The following RANBP2 variants were observed in gnomAD, a reference collection of about 807,000 sequenced individuals.
The protein encoded by RANBP2 is E3 SUMO-protein ligase RanBP2.
A neutral mutation model predicts 303.6 loss-of-function variants in RANBP2; 57 were observed. That is an observed-to-expected ratio of 0.19 (90% CI 0.15 to 0.23). The LOEUF is 0.23. RANBP2 is among the 10% of genes least tolerant of loss of function. The pLI, the probability that RANBP2 is intolerant of heterozygous loss-of-function variation, is 1.00. For synonymous variants in RANBP2, 1,167 were observed against 1,301.5 expected (o/e 0.90, Z 2.23); for missense variants, 3,138 against 3,780.8 (o/e 0.83, Z 4.46).
intron 7 of RANBP2, among the ~76,000 whole-genome samples, chr2:108,743,331 A>G (rs1363380101): frequency 3.3e-5 from 5 of 152,138 alleles, no homozygotes; most frequent in Non-Finnish European, 7.4e-5. Flanking sequence ...GTGCAGTGGC[A>G]TGATCATAGC....
the RANBP2 span, chr2:108,897,195 G>C: frequency 6.2e-7 from 1 of 1,613,704 alleles, no homozygotes; most frequent in Non-Finnish European, 8.5e-7. Context: ...TAGTCTTCTC[G>C]AGGCAATCAA....
chr2:109,021,339 C>T, the RANBP2 span, among the ~76,000 whole-genome samples: 7 of 151,928 alleles, frequency 4.6e-5, no homozygotes, highest in African/African-American at 1.5e-4. Flanking sequence ...CTGGCTGACA[C>T]GGTGAAACCC....
At chr2:109,540,794 C>T in the RANBP2 span, among the ~76,000 whole-genome samples, 6 of 50,392 alleles carry the variant, frequency 1.2e-4, no homozygotes, top group African/African-American at 4.4e-4. Context: ...GAGCAAGACC[C>T]TGTCAAAAAA....
the RANBP2 span, among the ~76,000 whole-genome samples, chr2:109,298,677 C>T: frequency 6.6e-6 from 1 of 152,110 alleles, no homozygotes; most frequent in Non-Finnish European, 1.5e-5. Flanking sequence ...CAGGCCTTCC[C>T]TGGCTCCTGT....
chr2:109,419,487 C>A, the RANBP2 span: 1 of 1,530,858 alleles, frequency 6.5e-7, no homozygotes, highest in Non-Finnish European at 8.8e-7. Context: ...TTCTCTTTCC[C>A]TTGGATGGAG....
the RANBP2 span, chr2:109,130,107 G>A: frequency 7.5e-7 from 1 of 1,328,342 alleles, no homozygotes; most frequent in Non-Finnish European, 9.6e-7. Context: ...CCGCGCCGGC[G>A]GCAAAGGTGA....
chr2:109,497,619 C>T, the RANBP2 span, among the ~76,000 whole-genome samples: 1 of 152,132 alleles, frequency 6.6e-6, no homozygotes, highest in Admixed American at 6.5e-5. Context: ...GACACGACAA[C>T]GGCGCTCTGT....
chr2:109,575,424 A>AT, the RANBP2 span, among the ~76,000 whole-genome samples: 1 of 152,228 alleles, frequency 6.6e-6, no homozygotes, highest in South Asian at 2.1e-4. Flanking sequence ...GCACGTTTTT[A>AT]TTTTTATTTA....
At chr2:109,712,810 AT>A in the RANBP2 span, among the ~76,000 whole-genome samples, 1 of 152,174 alleles carries the variant, frequency 6.6e-6, no homozygotes, top group African/African-American at 2.4e-5. Context: ...TACTCATTAT[AT>A]CTACTCATTT....
chr2:108,885,857 G>A, the RANBP2 span, among the ~76,000 whole-genome samples: 2 of 152,106 alleles, frequency 1.3e-5, no homozygotes, highest in Non-Finnish European at 2.9e-5. Flanking sequence ...GTGGAAACAT[G>A]TGACATTTGT....
the RANBP2 span, among the ~76,000 whole-genome samples, chr2:108,931,684 A>G: frequency 4.6e-5 from 7 of 151,978 alleles, no homozygotes; most frequent in Non-Finnish European, 8.8e-5. Context: ...AACTATTAAT[A>G]TTACACGAAT....
chr2:109,072,211 C>T, the RANBP2 span, among the ~76,000 whole-genome samples: 1 of 152,262 alleles, frequency 6.6e-6, no homozygotes, highest in East Asian at 1.9e-4. Context: ...GGAAGAGATG[C>T]TTTTGGATTT....
Position 108,764,186 on chromosome 2 carries a change from T to C in RANBP2, c.3647T>C (p.Ile1216Thr). 2 of 1,614,076 alleles carry C rather than the reference T, an allele frequency of 1.2e-6. No homozygotes were observed. Among genetic ancestry groups the C allele is most frequent in the Non-Finnish European group, 1.7e-6 (2 of 1,179,982 alleles). ...TCCAAAGAATGGAAAGAACGTGGGATTGGCAATGTAAAAATACTGAGGCAT... is the reference window on the plus strand; with the variant it reads ...TCCAAAGAATGGAAAGAACGTGGGACTGGCAATGTAAAAATACTGAGGCAT... ...VESKEWKERGIGNVKILRHKT... is the reference protein window; with the variant it reads ...VESKEWKERGTGNVKILRHKT... Residue 1216 changes from isoleucine to threonine, a missense_variant, in exon 20 of 29, where the codon ATT becomes ACT. Transcript: ENST00000283195.
At chr2:108,776,390 AAATT>A (rs1677895154) in intron 24 of RANBP2, among the ~76,000 whole-genome samples, 1 of 152,128 alleles carries the variant, frequency 6.6e-6, no homozygotes, top group African/African-American at 2.4e-5. Context: ...AAAGCTTGTT[AAATT>A]AATTATTCAG....
chr2:109,327,072 T>C, the RANBP2 span, among the ~76,000 whole-genome samples: 1 of 152,270 alleles, frequency 6.6e-6, no homozygotes, highest in Non-Finnish European at 1.5e-5. Flanking sequence ...TTAAAAACAT[T>C]TAAATGTTGT....
chr2:109,172,197 C>T, the RANBP2 span, among the ~76,000 whole-genome samples: 1 of 152,216 alleles, frequency 6.6e-6, no homozygotes, highest in Non-Finnish European at 1.5e-5. Context: ...AGCTCTCAGA[C>T]CAGGGTCCTC....
At chr2:109,718,602 G>A in the RANBP2 span, among the ~76,000 whole-genome samples, 3 of 152,214 alleles carry the variant, frequency 2.0e-5, no homozygotes, top group Non-Finnish European at 2.9e-5. Context: ...CAGCTAACAA[G>A]TACCAGGTTT....
the RANBP2 span, among the ~76,000 whole-genome samples, chr2:109,045,385 C>A: frequency 0.023 from 3,530 of 152,214 alleles, 140 homozygotes; most frequent in African/African-American, 0.08. Flanking sequence ...TCACTGTAAC[C>A]CTTTTCCCGT....
the RANBP2 span, among the ~76,000 whole-genome samples, chr2:109,012,306 G>A: frequency 1.3e-5 from 2 of 152,178 alleles, 1 homozygote; most frequent in Admixed American, 1.3e-4. Context: ...TGGGAGGAAA[G>A]GGTGGGGGGT....
Sources: allele counts gnomAD v4.1 joint callset (sites outside exome capture counted in the v4.1 genomes callset), GRCh38; gene constraint gnomAD v4.1.1; transcripts MANE v1.5; gene names NCBI Gene and HGNC (gene_info 2026-07-23, HGNC 2026-07-21).